The following CTNNA2 variants were observed in gnomAD, a reference collection of about 807,000 sequenced individuals.
The protein encoded by CTNNA2 is catenin alpha 2.
Under a neutral mutation model 101.0 loss-of-function variants are expected in CTNNA2, and 42 were observed. The ratio of observed to expected loss-of-function variants is 0.42; its 90% CI spans 0.32 to 0.54. CTNNA2 has a LOEUF of 0.54. Ranked by LOEUF, CTNNA2 falls within the 20% of genes least tolerant of loss-of-function variation. CTNNA2 has a pLI of 0.14. For missense variants in CTNNA2, 871 were observed against 1,223.1 expected (o/e 0.71, Z 4.29); for synonymous variants, 450 against 456.4 (o/e 0.99, Z 0.18).
chr2:80,545,293 T>A (rs571951496), intron 10 of CTNNA2, among the ~76,000 whole-genome samples: 4 of 152,262 alleles, frequency 2.6e-5, no homozygotes, highest in African/African-American at 9.6e-5. Flanking sequence ...ACACCTATAA[T>A]CCCAGTGCTC....
At chr2:80,347,110 G>T (rs558069315) in intron 7 of CTNNA2, among the ~76,000 whole-genome samples, 2 of 151,976 alleles carry the variant, frequency 1.3e-5, no homozygotes, top group South Asian at 4.2e-4. Context: ...GATAAACCAA[G>T]CTTTGTGCTA....
chr2:79,455,648 G>T (rs1393381379), intron 4 of CTNNA2, among the ~76,000 whole-genome samples: 1 of 152,152 alleles, frequency 6.6e-6, no homozygotes, highest in Non-Finnish European at 1.5e-5. Context: ...ATAGAACTAG[G>T]TTCCTGCCAG....
At chr2:80,351,127 A>G (rs1673251228) in intron 7 of CTNNA2, among the ~76,000 whole-genome samples, 1 of 152,172 alleles carries the variant, frequency 6.6e-6, no homozygotes. Flanking sequence ...AAAGAAACAG[A>G]TTCCTACTAT....
At chr2:79,655,359 A>G (rs1681536784) in intron 2 of CTNNA2, among the ~76,000 whole-genome samples, 1 of 152,212 alleles carries the variant, frequency 6.6e-6, no homozygotes, top group African/African-American at 2.4e-5. Flanking sequence ...CTATATATTC[A>G]GGCTCATGCT....
At chr2:79,697,068 A>G (rs1684697398) in intron 2 of CTNNA2, among the ~76,000 whole-genome samples, 1 of 152,032 alleles carries the variant, frequency 6.6e-6, no homozygotes, top group Non-Finnish European at 1.5e-5. Flanking sequence ...TGGTTTTCTC[A>G]GGGTCACATG....
intron 8 of CTNNA2, among the ~76,000 whole-genome samples, chr2:80,412,891 G>A (rs373038378): frequency 2.1e-4 from 32 of 152,206 alleles, no homozygotes; most frequent in South Asian, 2.1e-3. Flanking sequence ...CCGGCCTAAC[G>A]TTGAATGAGC....
chr2:79,873,708 G>A (rs1169716735), intron 5 of CTNNA2, among the ~76,000 whole-genome samples: 1 of 151,942 alleles, frequency 6.6e-6, no homozygotes, highest in African/African-American at 2.4e-5. Flanking sequence ...AGGCCCACCT[G>A]GGCAACATAG....
chr2:80,012,454 A>G (rs563300302), intron 7 of CTNNA2, among the ~76,000 whole-genome samples: 1 of 152,174 alleles, frequency 6.6e-6, no homozygotes, highest in Non-Finnish European at 1.5e-5. Flanking sequence ...CAGGCTGTCC[A>G]AAGGTATCTG....
chr2:80,558,519 C>G (rs189028629), intron 12 of CTNNA2, among the ~76,000 whole-genome samples: 77 of 151,534 alleles, frequency 5.1e-4, no homozygotes, highest in Admixed American at 2.3e-3. Context: ...TGATTTACTT[C>G]TAATGTCATT....
chr2:80,081,533 T>C (rs553421611), intron 7 of CTNNA2, among the ~76,000 whole-genome samples: 3 of 146,416 alleles, frequency 2.0e-5, no homozygotes, highest in Non-Finnish European at 4.5e-5. Context: ...TCTCTCACTT[T>C]GTTCTTTTCC....
intron 12 of CTNNA2, among the ~76,000 whole-genome samples, chr2:80,570,951 A>C (rs1458589396): frequency 1.3e-5 from 2 of 152,014 alleles, no homozygotes; most frequent in Non-Finnish European, 2.9e-5. Flanking sequence ...TCCCCTATGA[A>C]GTCCATTTAG....
intron 7 of CTNNA2, among the ~76,000 whole-genome samples, chr2:80,241,335 T>C (rs61154846): frequency 0.016 from 2,435 of 151,938 alleles, 65 homozygotes; most frequent in African/African-American, 0.056. Context: ...TTTTGGAAGT[T>C]TCTTTGTAAA....
intron 7 of CTNNA2, among the ~76,000 whole-genome samples, chr2:80,203,201 T>C (rs758809215): frequency 6.6e-6 from 1 of 152,208 alleles, no homozygotes; most frequent in African/African-American, 2.4e-5. Context: ...ATTCTGTCCC[T>C]GGCCCCTCTC....
At chr2:79,921,680 T>G (rs2104382390) in intron 7 of CTNNA2, among the ~76,000 whole-genome samples, 1 of 152,294 alleles carries the variant, frequency 6.6e-6, no homozygotes, top group East Asian at 1.9e-4. Context: ...ATTCAGAAAT[T>G]CTCTTTCTTA....
intron 1 of CTNNA2, among the ~76,000 whole-genome samples, chr2:79,580,933 T>G (rs1676110906): frequency 6.6e-6 from 1 of 152,214 alleles, no homozygotes; most frequent in Admixed American, 6.5e-5. Context: ...TGTGGAGTAC[T>G]TGATTTTACC....
At chr2:80,343,974 G>A (rs182817108) in intron 7 of CTNNA2, among the ~76,000 whole-genome samples, 1 of 152,062 alleles carries the variant, frequency 6.6e-6, no homozygotes, top group Admixed American at 6.6e-5. Context: ...ACTTCTTAAG[G>A]GAAGAGCTAT....
intron 7 of CTNNA2, chr2:80,301,972 A>C (rs1676364002): frequency 2.8e-6 from 1 of 355,882 alleles, no homozygotes; most frequent in African/African-American, 2.1e-5. Context: ...ATTCCTGAAT[A>C]TGGACAGATC....
chr2:79,918,776 C>T (rs1206802662), intron 7 of CTNNA2, among the ~76,000 whole-genome samples: 1 of 152,088 alleles, frequency 6.6e-6, no homozygotes, highest in Non-Finnish European at 1.5e-5. Context: ...CAAAAAATTT[C>T]CAAAGATAAA....
chr2:79,259,899 G>T (rs1270556504), intron 2 of CTNNA2, among the ~76,000 whole-genome samples: 1 of 152,182 alleles, frequency 6.6e-6, no homozygotes, highest in Non-Finnish European at 1.5e-5. Flanking sequence ...TGTTTAAGCA[G>T]CTTTATTTGG....
Sources: allele counts gnomAD v4.1 joint callset (sites outside exome capture counted in the v4.1 genomes callset), GRCh38; gene constraint gnomAD v4.1.1; transcripts MANE v1.5; gene names NCBI Gene and HGNC (gene_info 2026-07-23, HGNC 2026-07-21).